CUL9: variants seen among roughly 807,000 people sequenced by gnomAD.
CUL9 encodes cullin 9, also known as cullin-9.
In CUL9, 79 loss-of-function variants were observed where a neutral mutation model predicts 272.6. The observed-to-expected ratio is 0.29, with a 90% CI of 0.24 to 0.35. CUL9 has a LOEUF of 0.35. CUL9 is among the 10% of genes least tolerant of loss of function. The probability of loss-of-function intolerance (pLI) is 1.00; values close to 1 mark genes in which losing one functional copy is unlikely to be tolerated. For synonymous variants in CUL9, 1,186 were observed against 1,286.5 expected (o/e 0.92, Z 1.67); for missense variants, 2,532 against 3,255.6 (o/e 0.78, Z 5.41).
intron 26 of CUL9, among the ~76,000 whole-genome samples, chr6:43,212,030 T>G (rs1371485281): frequency 6.6e-6 from 1 of 152,252 alleles, no homozygotes; most frequent in East Asian, 1.9e-4. Flanking sequence ...TGCAATTATT[T>G]CTGGAGGAAA....
At chr6:43,210,997 T>C (rs1775435134) in intron 26 of CUL9, among the ~76,000 whole-genome samples, 1 of 152,240 alleles carries the variant, frequency 6.6e-6, no homozygotes, top group South Asian at 2.1e-4. Flanking sequence ...TGAATACCCT[T>C]GTATTTTTAA....
chr6:43,188,979 TTA>T (rs1471735456), intron 8 of CUL9: 3 of 328,420 alleles, frequency 9.1e-6, no homozygotes, highest in African/African-American at 6.4e-5. Context: ...GGTAATATTA[TTA>T]TCCTACTATA....
intron 31 of CUL9, 46 bp downstream of exon 31, chr6:43,216,549 C>T (rs373462301): frequency 2.2e-5 from 33 of 1,504,794 alleles, no homozygotes; most frequent in Middle Eastern, 1.8e-4. Flanking sequence ...TTCTGCCCTA[C>T]CCTAACAAAA....
chr6:43,222,556 G>C lies in CUL9; in HGVS notation c.6947G>C (p.Arg2316Pro). The change falls in exon 37 of 41, where the codon CGG (arginine) becomes CCG (proline). Residue 2316 changes from arginine to proline, a missense_variant. Transcript: ENST00000252050. ...AREFAVNLRN[R>P]VSAIHEVPPP... ...GAGTTTGCTGTGAACTTGCGGAACC[G>C]GGTGTCTGCCATCCATGAAGTGCCC... The C allele has an allele frequency of 1.2e-6, 2 of 1,613,866 alleles. No homozygotes were observed. The highest frequency in any genetic ancestry group is 1.7e-6 in the Non-Finnish European group (2 of 1,180,036).
rs762115741 is a variant in CUL9, at chr6:43,204,987, T to C, written c.4504T>C (p.Cys1502Arg). The C allele has an allele frequency of 3.1e-6, 5 of 1,613,076 alleles. No homozygotes were observed. Among genetic ancestry groups the C allele is most frequent in the Non-Finnish European group, 4.2e-6 (5 of 1,179,370 alleles). ...GGCCCCAGACTTTGTGCCTCGTTAC[T>C]GTAAACTCTATGAGCACTTGCAGAG... ...WRAPDFVPRYCKLYEHLQRAG... is the reference protein window; with the variant it reads ...WRAPDFVPRYRKLYEHLQRAG... The change falls in exon 23 of 41, where the codon TGT (cysteine) becomes CGT (arginine). Residue 1502 changes from cysteine (C) to arginine (R), a missense_variant. Transcript: ENST00000252050.
Position 43,186,450 on chromosome 6 carries a change from G to A in CUL9, c.1246G>A (p.Val416Met). The A allele has an allele frequency of 6.3e-7, 1 of 1,587,204 alleles. No individual in the cohort carries two copies. The highest frequency in any genetic ancestry group is 8.6e-7 in the Non-Finnish European group (1 of 1,161,876). Residue 416 changes from valine to methionine, a missense_variant, in exon 4 of 41, where the codon GTG becomes ATG. Val to Met is a conservative substitution (Grantham distance 21, BLOSUM62 1). Around this residue, in one of 3 missense-constraint regions of CUL9, gnomAD observed 2,218 missense variants for 2,788.6 expected, o/e 0.80. Coordinates refer to ENST00000252050, the MANE Select transcript of CUL9 (RefSeq NM_015089.4). ...GCAGAGCAACAACGGCATTCCCCCTGTGCAGGTGGGCAGCACATGGTGGTG... is the reference window on the plus strand; with the variant it reads ...GCAGAGCAACAACGGCATTCCCCCTATGCAGGTGGGCAGCACATGGTGGTG... Reference protein sequence around the residue: ...FRQSNNGIPPVQVFWQSTGRT... With the variant: ...FRQSNNGIPPMQVFWQSTGRT...
intron 9 of CUL9, among the ~76,000 whole-genome samples, chr6:43,193,423 A>G (rs79988301): frequency 0.014 from 2,168 of 152,322 alleles, 54 homozygotes; most frequent in African/African-American, 0.049. Context: ...TGTTGGAGAC[A>G]GGATCTTGCT....
chr6:43,224,550 T>C lies in CUL9; in HGVS notation c.*105T>C, dbSNP rs1776644992. ...GGGGGATTCCCAGCGTCTGTAGTGC[T>C]TCCTGTTTGCTGAATAAAGGTCTCT... On this transcript the variant is annotated 3_prime_UTR_variant, in exon 41 of 41. Coordinates refer to ENST00000252050, the MANE Select transcript of CUL9 (RefSeq NM_015089.4). The surrounding 1 kb of genome is among the most constrained non-coding windows in gnomAD (Gnocchi z 4.2). The C allele has an allele frequency of 9.3e-7, 1 of 1,077,986 alleles. No homozygotes were observed. The allele number at this position is 1,077,986 out of a possible 1,614,324, so 66.8% of individuals were successfully genotyped here. A position where few individuals can be genotyped will look rare whatever the true frequency, so the allele number is the denominator to read the frequency against.
chr6:43,221,370 A>G lies in CUL9; in HGVS notation c.6752+49A>G. ...AGCCAGAGGGCAAGGAGGGGGGAGGAGGCCTGGCAGAAGGAGGGGGGAACG... is the reference window on the plus strand; with the variant it reads ...AGCCAGAGGGCAAGGAGGGGGGAGGGGGCCTGGCAGAAGGAGGGGGGAACG... On this transcript the variant is annotated intron_variant, in intron 34 of 40. Transcript: ENST00000252050. This position sits in a 1 kb window ranked among gnomAD's most constrained non-coding sequence, Gnocchi z 4.2. 2 of 1,277,444 alleles carry G rather than the reference A, an allele frequency of 1.6e-6. No homozygotes were observed. The highest frequency in any genetic ancestry group is 1.3e-5 in the South Asian group (1 of 79,484). 79.1% of individuals were successfully genotyped at this position (1,277,444 alleles called of 1,614,324 possible).
rs1404555958 is a variant in CUL9 at position 43,184,168 on chromosome 6, C to G, written c.-9-134C>G. The G allele has an allele frequency of 3.6e-6, 2 of 558,874 alleles. No homozygotes were observed. Among genetic ancestry groups the G allele is most frequent in the East Asian group, 6.4e-5 (2 of 31,266 alleles). 34.6% of individuals were successfully genotyped at this position (558,874 alleles called of 1,614,324 possible). A position where few individuals can be genotyped will look rare whatever the true frequency, so the allele number is the denominator to read the frequency against. Reference sequence around the variant, plus strand: ...TATTCCATCCTATTTTTTGCCTTTTCTGTTTGGCCTCCTAAATTCTACCAT... The same window carrying G: ...TATTCCATCCTATTTTTTGCCTTTTGTGTTTGGCCTCCTAAATTCTACCAT... On this transcript the variant is annotated intron_variant, in intron 1 of 40. Coordinates refer to ENST00000252050, the MANE Select transcript of CUL9 (RefSeq NM_015089.4). This position sits in a 1 kb window ranked among gnomAD's most constrained non-coding sequence, Gnocchi z 4.8.
rs369536146 is a variant in CUL9, at chr6:43,205,441, G to A, written c.4793+18G>A. ...TTCTATCAGTGAGTGCAGGTCTGGAGGCATAGGGGATGGGAGGCCTAGATC... is the reference window on the plus strand; with the variant it reads ...TTCTATCAGTGAGTGCAGGTCTGGAAGCATAGGGGATGGGAGGCCTAGATC... On this transcript the variant is annotated intron_variant, in intron 24 of 40. Transcript: ENST00000252050. 6 of 1,608,018 alleles carry A rather than the reference G, an allele frequency of 3.7e-6. No homozygotes were observed. The highest frequency in any genetic ancestry group is 1.7e-5 in the Admixed American group (1 of 59,918).
chr6:43,220,424 T>C lies in CUL9; in HGVS notation c.6283-35T>C. 6.2e-7 allele frequency: 1 copy of C among 1,612,028 alleles called. No individual in the cohort carries two copies. On this transcript the variant is annotated intron_variant, in intron 31 of 40. Coordinates refer to ENST00000252050, the MANE Select transcript of CUL9 (RefSeq NM_015089.4). The surrounding 1 kb of genome is among the most constrained non-coding windows in gnomAD (Gnocchi z 4.9). ...CACTCCCCCTGTGCTGCTCCCACACTGTCTGTGAGCAGCCCCTCCTTTTGT... is the reference window on the plus strand; with the variant it reads ...CACTCCCCCTGTGCTGCTCCCACACCGTCTGTGAGCAGCCCCTCCTTTTGT...
In CUL9 at chr6:43,196,257, T is replaced by C. The variant is rs1773988790; in HGVS notation, c.2577T>C (p.Asn859=). ...CTGCAGCCGTGATCCTGATGCTGAA[T>C]ACTGAGGGGTCAGGGCATTACCTTC... ...TVPAAVILML[N]TEGCSSAARN... Residue 859 remains asparagine, a synonymous_variant, in exon 10 of 41, where the codon AAT becomes AAC. Coordinates refer to ENST00000252050, the MANE Select transcript of CUL9 (RefSeq NM_015089.4). 1.9e-6 allele frequency: 3 copies of C among 1,613,304 alleles called. No homozygotes were observed. Among genetic ancestry groups the C allele is most frequent in the South Asian group, 2.2e-5 (2 of 91,046 alleles).
In CUL9 at chr6:43,220,497, GA is replaced by G; in HGVS notation, c.6323del (p.Asn2108ThrfsTer4). On this transcript the variant is annotated frameshift_variant, in exon 32 of 41. Coordinates refer to ENST00000252050, the MANE Select transcript of CUL9 (RefSeq NM_015089.4). LOFTEE classifies it high-confidence loss of function. The surrounding 1 kb of genome is among the most constrained non-coding windows in gnomAD (Gnocchi z 4.9). ...NEYLTTRIEQ[N>X]LVLNCTCPIA... ...AGTACCTGACAACTCGGATCGAGCA[GA>G]ACCTTGTTTTGAATTGCACCTGCCC... 2.5e-6 allele frequency: 4 copies of G among 1,614,130 alleles called. No individual in the cohort carries two copies. Among genetic ancestry groups the G allele is most frequent in the Non-Finnish European group, 3.4e-6 (4 of 1,180,008 alleles).
chr6:43,187,488 G>A (rs367963137), intron 6 of CUL9, 49 bp downstream of exon 6: 1 of 1,576,080 alleles, frequency 6.3e-7, no homozygotes, highest in Non-Finnish European at 8.7e-7. Context: ...GGTTAGAGGT[G>A]GGATTCTCTA....
At chr6:43,198,920 C>A in intron 12 of CUL9, 65 bp downstream of exon 12, 1 of 1,521,562 alleles carries the variant, frequency 6.6e-7, no homozygotes, top group Non-Finnish European at 8.8e-7. Context: ...AGGGACTTCA[C>A]TTGTTTCTTT....
At chr6:43,190,747 A>G (rs1342057333) in intron 8 of CUL9, among the ~76,000 whole-genome samples, 1 of 152,210 alleles carries the variant, frequency 6.6e-6, no homozygotes, top group Non-Finnish European at 1.5e-5. Flanking sequence ...AGATAGATTA[A>G]AAACAGAACT....
At chr6:43,198,407 T>A (rs1774201119) in intron 11 of CUL9, 14 of 984,414 alleles carry the variant, frequency 1.4e-5, no homozygotes, top group Non-Finnish European at 1.7e-5. Context: ...GTGTTTGCTA[T>A]ACTAGGTTTT....
Position 43,184,842 on chromosome 6 carries a change from C to T in CUL9, c.532C>T (p.Pro178Ser). The change falls in exon 2 of 41, where the codon CCT becomes TCT. Residue 178 changes from proline (P) to serine (S), a missense_variant. Around this residue, in one of 3 missense-constraint regions of CUL9, gnomAD observed 2,218 missense variants for 2,788.6 expected, o/e 0.80. Transcript: ENST00000252050. The surrounding 1 kb of genome is among the most constrained non-coding windows in gnomAD (Gnocchi z 4.8). ...CCTGCTCATGCACATGTTATGCAAT[C>T]CTGAGCCTCAGATCCGCCGGAGTGC... ...LDLLMHMLCN[P>S]EPQIRRSAGK... 1 of 1,610,516 alleles carries T rather than the reference C, an allele frequency of 6.2e-7. No homozygotes were observed. Among genetic ancestry groups the T allele is most frequent in the Non-Finnish European group, 8.5e-7 (1 of 1,179,800 alleles).
Sources: gnomAD v4.1 joint callset for allele counts (sites outside exome capture counted in the v4.1 genomes callset) on GRCh38, gnomAD v4.1.1 for gene constraint, gnomAD v4.1.1 regional missense constraint, Gnocchi (gnomAD v3.1) non-coding constraint, MANE v1.5 for transcripts, NCBI Gene and HGNC (gene_info 2026-07-23, HGNC 2026-07-21) for gene names.